The following FREM2 variants were observed in gnomAD, a reference collection of about 807,000 sequenced individuals.
The protein encoded by FREM2 is FRAS1 related extracellular matrix 2.
A neutral mutation model predicts 219.9 loss-of-function variants in FREM2; 119 were observed. The ratio of observed to expected loss-of-function variants is 0.54; its 90% CI spans 0.47 to 0.63. The LOEUF (loss-of-function observed/expected upper bound fraction) is 0.63. FREM2 is among the 30% of genes least tolerant of loss of function. The pLI is 0.00. For missense variants in FREM2, 4,030 were observed against 3,993.6 expected, an observed-to-expected ratio of 1.01 and a Z score of -0.25; for synonymous variants, 1,562 against 1,522.8, an observed-to-expected ratio of 1.03 and a Z score of -0.60.
chr13:38,739,658 C>T lies in FREM2; in HGVS notation c.5264-24646C>T, dbSNP rs151285296. The stretch of plus-strand genomic sequence containing the variant: ...ACTCTTCCTTTTTCACTGGCTCTTT[C>T]GTGGTCACTACATACACCTGCGGCA... On this transcript the variant is annotated intron_variant, in intron 2 of 23. Coordinates refer to ENST00000280481, the MANE Select transcript of FREM2 (RefSeq NM_207361.6). 5.5e-4 allele frequency among the ~76,000 whole-genome samples: 83 copies of T among 152,256 alleles called. 3 individuals carry two copies. The East Asian group carries it at 0.013, about 24-fold the overall frequency.
In FREM2 at chr13:38,800,254, T is replaced by C. The variant is rs529699051; in HGVS notation, c.6019+15446T>C. On this transcript the variant is annotated intron_variant, in intron 6 of 23. Transcript: ENST00000280481. Reference sequence around the variant, plus strand: ...TCTTGTAGGGCCAATCTAGTGGTTATGAATTTAATCAGCATTTTCTTATCT... The same window carrying C: ...TCTTGTAGGGCCAATCTAGTGGTTACGAATTTAATCAGCATTTTCTTATCT... 1.6e-4 allele frequency among the ~76,000 whole-genome samples: 25 copies of C among 152,316 alleles called. No individual in the cohort carries two copies. The South Asian group carries it at 5.2e-3, about 32-fold the overall frequency.
intron 17 of FREM2, among the ~76,000 whole-genome samples, chr13:38,873,370 G>A (rs1266642335): frequency 1.3e-5 from 2 of 152,166 alleles, no homozygotes; most frequent in African/African-American, 4.8e-5. Flanking sequence ...CTGAATTCTA[G>A]TCATGACTCT....
intron 6 of FREM2, among the ~76,000 whole-genome samples, chr13:38,842,718 A>T (rs1877006994): frequency 6.6e-6 from 1 of 152,186 alleles, no homozygotes; most frequent in Admixed American, 6.5e-5. Flanking sequence ...CTTTCATCTC[A>T]GGAGACACAA....
chr13:38,816,334 C>T (rs560307652), intron 6 of FREM2, among the ~76,000 whole-genome samples: 10 of 152,206 alleles, frequency 6.6e-5, no homozygotes, highest in Non-Finnish European at 1.3e-4. Flanking sequence ...AAATTCTTAA[C>T]GAGATGCTAG....
At chr13:38,851,548 T>G (rs1877371231) in intron 10 of FREM2, 138 bp from the exon 11 acceptor site, 1 of 730,596 alleles carries the variant, frequency 1.4e-6, no homozygotes, top group South Asian at 1.7e-5. Flanking sequence ...ACGTCACTAA[T>G]TTTGAGTGAG....
intron 7 of FREM2, among the ~76,000 whole-genome samples, 178 bp from the exon 8 acceptor site, chr13:38,848,283 C>T (rs1403176434): frequency 6.6e-6 from 1 of 152,142 alleles, no homozygotes; most frequent in South Asian, 2.1e-4. Context: ...TGATCTATCA[C>T]CACAGTAGTT....
At chr13:38,785,983 A>G (rs1874312791) in intron 6 of FREM2, among the ~76,000 whole-genome samples, 1 of 152,198 alleles carries the variant, frequency 6.6e-6, no homozygotes, top group Non-Finnish European at 1.5e-5. Context: ...TGATGTTTAG[A>G]CACATATAAA....
intron 2 of FREM2, among the ~76,000 whole-genome samples, chr13:38,750,279 T>G (rs903024266): frequency 6.6e-6 from 1 of 152,150 alleles, no homozygotes; most frequent in African/African-American, 2.4e-5. Context: ...TGAGGGCCGG[T>G]CTTTCCCTTG....
intron 2 of FREM2, among the ~76,000 whole-genome samples, chr13:38,717,138 A>G (rs1241831664): frequency 6.6e-6 from 1 of 152,150 alleles, no homozygotes; most frequent in Non-Finnish European, 1.5e-5. Context: ...CTGAATAACC[A>G]TGGTTAAGGG....
At chr13:38,846,283 G>T (rs1877150094) in intron 6 of FREM2, among the ~76,000 whole-genome samples, 2 of 151,734 alleles carry the variant, frequency 1.3e-5, no homozygotes, top group East Asian at 3.9e-4. Context: ...AGCTTCCAGA[G>T]GCACTTTTAG....
intron 1 of FREM2, among the ~76,000 whole-genome samples, chr13:38,693,535 C>G (rs1411742290): frequency 6.6e-6 from 1 of 152,144 alleles, no homozygotes; most frequent in African/African-American, 2.4e-5. Context: ...AGTCAGGGCT[C>G]CGTTCTGCAG....
intron 6 of FREM2, among the ~76,000 whole-genome samples, chr13:38,838,819 T>G (rs953662617): frequency 6.6e-6 from 1 of 152,190 alleles, no homozygotes; most frequent in African/African-American, 2.4e-5. Flanking sequence ...ATCAGTTCAT[T>G]TATGTTCTCT....
intron 6 of FREM2, among the ~76,000 whole-genome samples, chr13:38,816,735 G>A (rs923380092): frequency 1.3e-5 from 2 of 152,074 alleles, no homozygotes; most frequent in African/African-American, 4.8e-5. Flanking sequence ...GAGCAATTAG[G>A]CAAGAGAAAG....
At chr13:38,877,344 TTATGGTTTTGAGAATG>T in intron 21 of FREM2, 101 bp downstream of exon 21, 1 of 1,335,486 alleles carries the variant, frequency 7.5e-7, no homozygotes. Flanking sequence ...ATAGCTTTTT[TTATGGTTTTGAGAATG>T]TAACTGGGTC....
At chr13:38,705,969 G>A (rs1014944839) in intron 2 of FREM2, among the ~76,000 whole-genome samples, 9 of 152,130 alleles carry the variant, frequency 5.9e-5, no homozygotes, top group South Asian at 2.1e-4. Flanking sequence ...GTAGTGCAAC[G>A]TTTCAATGCT....
At chr13:38,703,852 CAT>C (rs1870435432) in intron 2 of FREM2, among the ~76,000 whole-genome samples, 1 of 152,088 alleles carries the variant, frequency 6.6e-6, no homozygotes, top group African/African-American at 2.4e-5. Context: ...AGAAATTTCA[CAT>C]GATTTCATAT....
At chr13:38,766,279 A>AT (rs1873431414) in intron 3 of FREM2, among the ~76,000 whole-genome samples, 1 of 151,448 alleles carries the variant, frequency 6.6e-6, no homozygotes, top group African/African-American at 2.4e-5. Flanking sequence ...TTTTGTTGTT[A>AT]TTTTTTTCAA....
chr13:38,756,274 C>T (rs1401882761), intron 2 of FREM2, among the ~76,000 whole-genome samples: 3 of 152,136 alleles, frequency 2.0e-5, no homozygotes, highest in African/African-American at 7.2e-5. Flanking sequence ...AGCATTGCTC[C>T]TAGGGGAAAT....
chr13:38,744,886 T>C (rs535499687), intron 2 of FREM2, among the ~76,000 whole-genome samples: 2 of 152,362 alleles, frequency 1.3e-5, no homozygotes, highest in African/African-American at 4.8e-5. Flanking sequence ...TCTACAGTAA[T>C]TTCACTCACA....
Sources: allele counts gnomAD v4.1 joint callset (sites outside exome capture counted in the v4.1 genomes callset), GRCh38; gene constraint gnomAD v4.1.1; transcripts MANE v1.5; gene names NCBI Gene and HGNC (gene_info 2026-07-23, HGNC 2026-07-21).